PDE1A: variants seen among roughly 807,000 people sequenced by gnomAD.
PDE1A encodes phosphodiesterase 1A, also known as dual specificity calcium/calmodulin-dependent 3',5'-cyclic nucleotide phosphodiesterase 1A.
Under a neutral mutation model 61.7 loss-of-function variants are expected in PDE1A, and 35 were observed. The ratio of observed to expected loss-of-function variants is 0.57; its 90% CI spans 0.43 to 0.75. The LOEUF (loss-of-function observed/expected upper bound fraction) is 0.75, where lower values mean the gene tolerates loss of function less well. Among genes scored for constraint, PDE1A ranks in the 30% least tolerant of loss-of-function variants. The pLI, the probability that PDE1A is intolerant of heterozygous loss-of-function variation, is 0.00. For synonymous variants in PDE1A, 232 were observed against 213.2 expected, an observed-to-expected ratio of 1.09 and a Z score of -0.77; for missense variants, 597 against 630.6, an observed-to-expected ratio of 0.95 and a Z score of 0.57.
chr2:182,686,431 T>C, the PDE1A span, among the ~76,000 whole-genome samples: 1 of 152,236 alleles, frequency 6.6e-6, no homozygotes, highest in Non-Finnish European at 1.5e-5. Flanking sequence ...CTATTCTTAC[T>C]AGTATTCAGA....
chr2:182,311,793 C>T (rs6720671), intron 1 of PDE1A, among the ~76,000 whole-genome samples: 4,585 of 152,046 alleles, frequency 0.03, 229 homozygotes, highest in African/African-American at 0.11. Context: ...TAAATACCTA[C>T]GAATGGAAGG....
chr2:182,313,287 A>T (rs890776178), intron 1 of PDE1A, among the ~76,000 whole-genome samples: 10 of 152,014 alleles, frequency 6.6e-5, no homozygotes, highest in African/African-American at 2.2e-4. Context: ...GGTGGTGGGC[A>T]CCCGTAATCC....
chr2:182,707,574 C>CACTG, the PDE1A span, among the ~76,000 whole-genome samples: 106,059 of 151,550 alleles, frequency 0.7, 37,524 homozygotes, highest in African/African-American at 0.8. Context: ...AAATTACTAA[C>CACTG]ACTCAAAAAG....
At chr2:182,179,817 T>A (rs1684599180) in intron 13 of PDE1A, among the ~76,000 whole-genome samples, 1 of 152,196 alleles carries the variant, frequency 6.6e-6, no homozygotes, top group Non-Finnish European at 1.5e-5. Flanking sequence ...ACATCTTTAT[T>A]TTAATGAACC....
At chr2:182,439,858 C>G (rs560748347) in intron 2 of PDE1A, among the ~76,000 whole-genome samples, 1 of 152,050 alleles carries the variant, frequency 6.6e-6, no homozygotes, top group Non-Finnish European at 1.5e-5. Context: ...TACCTGTTTA[C>G]ATGACAACAT....
intron 1 of PDE1A, among the ~76,000 whole-genome samples, chr2:182,420,836 C>T (rs1000904477): frequency 4.4e-4 from 67 of 152,228 alleles, no homozygotes; most frequent in Non-Finnish European, 5.3e-4. Flanking sequence ...GAACTTGCCC[C>T]GTACATTTCC....
At chr2:182,631,019 A>T in the PDE1A span, among the ~76,000 whole-genome samples, 1 of 152,160 alleles carries the variant, frequency 6.6e-6, no homozygotes, top group Admixed American at 6.6e-5. Context: ...ACACACACAC[A>T]TACAGATATA....
At chr2:182,316,903 A>C (rs1230409424) in intron 1 of PDE1A, among the ~76,000 whole-genome samples, 1 of 152,188 alleles carries the variant, frequency 6.6e-6, no homozygotes, top group East Asian at 1.9e-4. Context: ...GGATTGACAC[A>C]CTCATTAAAA....
chr2:182,213,175 A>T (rs878933766), intron 7 of PDE1A, among the ~76,000 whole-genome samples: 326 of 150,202 alleles, frequency 2.2e-3, no homozygotes, highest in Non-Finnish European at 3.7e-3. Flanking sequence ...CTCACACGGC[A>T]GGGTATTCCA....
intron 1 of PDE1A, among the ~76,000 whole-genome samples, chr2:182,288,983 G>T (rs1296638619): frequency 6.6e-6 from 1 of 151,376 alleles, no homozygotes; most frequent in African/African-American, 2.4e-5. Flanking sequence ...GTCAGGACTA[G>T]GACTCCAGGC....
intron 2 of PDE1A, among the ~76,000 whole-genome samples, chr2:182,488,111 A>G (rs1688132792): frequency 6.6e-6 from 1 of 152,164 alleles, no homozygotes; most frequent in African/African-American, 2.4e-5. Flanking sequence ...GTGTAGTTTC[A>G]CAGTTTTTAC....
intron 2 of PDE1A, among the ~76,000 whole-genome samples, chr2:182,493,898 C>A (rs998470850): frequency 6.6e-6 from 1 of 152,184 alleles, no homozygotes; most frequent in African/African-American, 2.4e-5. Flanking sequence ...CCTCAACCTC[C>A]CAAAGTGCTG....
intron 7 of PDE1A, among the ~76,000 whole-genome samples, chr2:182,217,573 A>T (rs1688307486): frequency 6.8e-6 from 1 of 147,228 alleles, no homozygotes; most frequent in South Asian, 2.2e-4. Context: ...AATTTACAAG[A>T]AAAAAACAAA....
chr2:182,588,312 A>C, the PDE1A span, among the ~76,000 whole-genome samples: 7 of 152,162 alleles, frequency 4.6e-5, no homozygotes, highest in Non-Finnish European at 1.0e-4. Context: ...AGGGATCTTT[A>C]CTTTTGATTT....
chr2:182,171,801 G>A (rs1439412568), intron 13 of PDE1A, among the ~76,000 whole-genome samples: 1 of 151,008 alleles, frequency 6.6e-6, no homozygotes, highest in Non-Finnish European at 1.5e-5. Context: ...TCTGAGAGCT[G>A]TTCCATACCT....
chr2:182,357,286 A>AAAAC (rs977480350), intron 1 of PDE1A, among the ~76,000 whole-genome samples: 1 of 152,132 alleles, frequency 6.6e-6, no homozygotes, highest in Non-Finnish European at 1.5e-5. Flanking sequence ...AAAACAAAAA[A>AAAAC]AAACAAACAA....
chr2:182,544,073 C>T, the PDE1A span, among the ~76,000 whole-genome samples: 6 of 151,978 alleles, frequency 3.9e-5, no homozygotes, highest in South Asian at 4.2e-4. Context: ...CAGTAATAAG[C>T]GGGAGAAAAT....
chr2:182,527,279 C>A (rs1574857795), upstream of PDE1A, among the ~76,000 whole-genome samples: 3 of 88,634 alleles, frequency 3.4e-5, no homozygotes, highest in Admixed American at 1.6e-4. Flanking sequence ...TTAGCCTGGA[C>A]AATATGGTGA....
intron 1 of PDE1A, among the ~76,000 whole-genome samples, chr2:182,378,547 C>G (rs1009256432): frequency 6.6e-6 from 1 of 152,148 alleles, no homozygotes; most frequent in Non-Finnish European, 1.5e-5. Flanking sequence ...CCTTTCTACT[C>G]TAATACTCTT....
Sources: allele counts gnomAD v4.1 joint callset (sites outside exome capture counted in the v4.1 genomes callset), GRCh38; gene constraint gnomAD v4.1.1; transcripts MANE v1.5; gene names NCBI Gene and HGNC (gene_info 2026-07-23, HGNC 2026-07-21).